HHIP: variants seen among roughly 807,000 people sequenced by gnomAD.
HHIP encodes hedgehog interacting protein.
In HHIP, 12 loss-of-function variants were observed where a neutral mutation model predicts 74.0. That is an observed-to-expected ratio of 0.16 (90% CI 0.10 to 0.26). The LOEUF is 0.26. HHIP is among the 10% of genes least tolerant of loss of function. The pLI, the probability that HHIP is intolerant of heterozygous loss-of-function variation, is 1.00. For synonymous variants in HHIP, 309 were observed against 311.6 expected (o/e 0.99, Z 0.09); for missense variants, 788 against 845.0 (o/e 0.93, Z 0.84).
chr4:144,670,648 G>A (rs1216389397), intron 4 of HHIP, among the ~76,000 whole-genome samples: 1 of 144,804 alleles, frequency 6.9e-6, no homozygotes, highest in African/African-American at 2.6e-5. Context: ...AGGGAAACAT[G>A]TCTGTTTCAT....
chr4:144,653,628 A>C (rs1337360672), intron 2 of HHIP, among the ~76,000 whole-genome samples: 1 of 152,194 alleles, frequency 6.6e-6, no homozygotes, highest in Non-Finnish European at 1.5e-5. Context: ...AGTCGCACAC[A>C]AATCTACTGA....
chr4:144,704,762 C>T (rs1443380279), intron 4 of HHIP, among the ~76,000 whole-genome samples: 4 of 152,176 alleles, frequency 2.6e-5, no homozygotes, highest in African/African-American at 4.8e-5. Context: ...TAATCACAAA[C>T]GAAATCCCAC....
intron 10 of HHIP, among the ~76,000 whole-genome samples, chr4:144,716,862 A>G (rs2126667959): frequency 3.2e-5 from 4 of 124,028 alleles, no homozygotes; most frequent in Admixed American, 9.7e-5. Context: ...AAGAAAAAAA[A>G]AAAAAAAAAA....
chr4:144,704,909 G>A (rs1730088671), intron 4 of HHIP, among the ~76,000 whole-genome samples: 1 of 152,136 alleles, frequency 6.6e-6, no homozygotes, highest in Non-Finnish European at 1.5e-5. Context: ...GAAGATTTAA[G>A]CAGAAAAACA....
intron 8 of HHIP, 81 bp from the exon 9 acceptor site, chr4:144,714,144 A>G (rs749727693): frequency 1.2e-5 from 15 of 1,210,444 alleles, no homozygotes; most frequent in African/African-American, 3.0e-5. Flanking sequence ...TTAAATTACT[A>G]TAGTAATTGT....
intron 4 of HHIP, among the ~76,000 whole-genome samples, chr4:144,685,889 C>T (rs1244891075): frequency 1.3e-5 from 2 of 152,082 alleles, no homozygotes; most frequent in African/African-American, 4.8e-5. Context: ...TATATTAAGC[C>T]AGGACTTTCC....
At chr4:144,716,016 G>T (rs565233158) in intron 10 of HHIP, among the ~76,000 whole-genome samples, 1 of 152,250 alleles carries the variant, frequency 6.6e-6, no homozygotes, top group South Asian at 2.1e-4. Context: ...CAAAATGTAT[G>T]CAGCTTAAAA....
intron 4 of HHIP, among the ~76,000 whole-genome samples, chr4:144,699,208 TG>T (rs1484571799): frequency 6.6e-6 from 1 of 152,172 alleles, no homozygotes. Flanking sequence ...GCTACAAATT[TG>T]GGGGTTCTCA....
At chr4:144,702,449 C>T (rs1052606383) in intron 4 of HHIP, among the ~76,000 whole-genome samples, 4 of 152,124 alleles carry the variant, frequency 2.6e-5, no homozygotes, top group Non-Finnish European at 4.4e-5. Context: ...TTATTAAAAG[C>T]GCCTGAAGAG....
At chr4:144,666,248 CGTGTGTGTGTGTGTGTGTGTGTGT>C (rs5862718) in intron 4 of HHIP, among the ~76,000 whole-genome samples, 2 of 143,266 alleles carry the variant, frequency 1.4e-5, no homozygotes, top group African/African-American at 2.6e-5. Flanking sequence ...ATACTACAGT[CGTGTGTGTGTGTGTGTGTGTGTGT>C]GTGTGTGTGT....
chr4:144,730,833 G>T (rs1476673497), intron 11 of HHIP, among the ~76,000 whole-genome samples: 1 of 152,062 alleles, frequency 6.6e-6, no homozygotes, highest in Admixed American at 6.6e-5. Flanking sequence ...CCATTACAAA[G>T]AGTTATTGGA....
chr4:144,680,033 T>C (rs1476656555), intron 4 of HHIP, among the ~76,000 whole-genome samples: 3 of 152,232 alleles, frequency 2.0e-5, no homozygotes, highest in African/African-American at 7.2e-5. Context: ...TGACAGTCTT[T>C]GTTATATTTA....
chr4:144,656,127 A>C (rs933958754), intron 2 of HHIP, among the ~76,000 whole-genome samples: 3 of 152,342 alleles, frequency 2.0e-5, no homozygotes, highest in African/African-American at 7.2e-5. Context: ...CTCCCTATTC[A>C]TCATTGTTCA....
At chr4:144,688,939 C>T (rs560811734) in intron 4 of HHIP, among the ~76,000 whole-genome samples, 8 of 152,202 alleles carry the variant, frequency 5.3e-5, no homozygotes, top group African/African-American at 1.7e-4. Flanking sequence ...CATCTAGGGA[C>T]GATGCCATAC....
chr4:144,713,003 C>G (rs562356251), intron 8 of HHIP, among the ~76,000 whole-genome samples: 1 of 149,596 alleles, frequency 6.7e-6, no homozygotes, highest in South Asian at 2.1e-4. Flanking sequence ...ATTTTGGCTA[C>G]ATTTGTAGAT....
chr4:144,653,854 T>C (rs2126579917), intron 2 of HHIP, among the ~76,000 whole-genome samples: 1 of 152,266 alleles, frequency 6.6e-6, no homozygotes, highest in African/African-American at 2.4e-5. Context: ...CTAAACCCAT[T>C]CAATATGAAA....
intron 4 of HHIP, among the ~76,000 whole-genome samples, chr4:144,678,753 G>A (rs1729245536): frequency 6.6e-6 from 1 of 152,110 alleles, no homozygotes; most frequent in Admixed American, 6.5e-5. Flanking sequence ...AGTATTCCAT[G>A]GTGTATGTAT....
intron 2 of HHIP, among the ~76,000 whole-genome samples, chr4:144,655,569 G>C (rs1206046760): frequency 6.6e-6 from 1 of 152,148 alleles, no homozygotes; most frequent in Non-Finnish European, 1.5e-5. Context: ...CCAAGGTCAA[G>C]GGTTTGATTC....
chr4:144,742,579 T>A lies in HHIP; in HGVS notation c.*4622T>A, dbSNP rs1225701213. 6.6e-6 allele frequency: 1 copy of A among 151,652 alleles called. No homozygotes were observed. The highest frequency in any genetic ancestry group is 1.9e-4 in the East Asian group (1 of 5,166). 9.4% of individuals were successfully genotyped at this position (151,652 alleles called of 1,614,324 possible). A position where few individuals can be genotyped will look rare whatever the true frequency, so the allele number is the denominator to read the frequency against. On this transcript the variant is annotated 3_prime_UTR_variant, in exon 13 of 13. Coordinates refer to ENST00000296575, the MANE Select transcript of HHIP (RefSeq NM_022475.3). ...AGTTCCTCAATGGAGACTTTATAAA[T>A]CTTAATTTCCTCACCCCTGGGATGA...
Sources: gnomAD v4.1 joint callset for allele counts (sites outside exome capture counted in the v4.1 genomes callset) on GRCh38, gnomAD v4.1.1 for gene constraint, MANE v1.5 for transcripts, NCBI Gene and HGNC (gene_info 2026-07-23, HGNC 2026-07-21) for gene names.